SGSM2: variants seen among roughly 807,000 people sequenced by gnomAD.
The protein encoded by SGSM2 is RUN and TBC1 domain containing 1.
SGSM2 carries 89 observed loss-of-function variants against 126.6 expected under a neutral mutation model. That is an observed-to-expected ratio of 0.70 (90% CI 0.59 to 0.84). The LOEUF is 0.84. Ranked by LOEUF, SGSM2 falls within the 40% of genes least tolerant of loss-of-function variation. SGSM2 has a pLI of 0.00. For missense variants in SGSM2, 1,404 were observed against 1,416.6 expected (o/e 0.99, Z 0.14); for synonymous variants, 614 against 574.3 (o/e 1.07, Z -0.99).
chr17:2,361,730 G>A lies in SGSM2; in HGVS notation c.227G>A (p.Gly76Glu). The A allele has an allele frequency of 6.2e-7, 1 of 1,613,896 alleles. No homozygotes were observed. Residue 76 changes from glycine to glutamate, a missense_variant, in exon 3 of 24, where the codon GGG becomes GAG. Gly to Glu is a moderately conservative substitution (Grantham distance 98, BLOSUM62 -2). Transcript: ENST00000268989. ...ATGGCAGCCCTGTTCACCAAGGTGG[G>A]GAAGACGTGCCCAGTGGCGGGGGAG... ...DKMAALFTKV[G>E]KTCPVAGEIC... is the part of the protein sequence containing the mutation.
At chr17:2,361,463 G>A (rs564546764) in intron 2 of SGSM2, among the ~76,000 whole-genome samples, 174 bp from the exon 3 acceptor site, 32 of 152,322 alleles carry the variant, frequency 2.1e-4, no homozygotes, top group Admixed American at 1.0e-3. Context: ...TCTTCGCCCC[G>A]GGCAGGAGCC....
In SGSM2 at chr17:2,375,836, C is replaced by T. The variant is rs200051958; in HGVS notation, c.2445C>T (p.Ala815=). The T allele has an allele frequency of 1.3e-5, 20 of 1,537,626 alleles. No individual in the cohort carries two copies. The highest frequency in any genetic ancestry group is 1.1e-4 in the East Asian group (5 of 44,286). Residue 815 remains alanine (A), a synonymous_variant, in exon 18 of 24, where the codon GCC becomes GCT. Coordinates refer to ENST00000268989, the MANE Select transcript of SGSM2 (RefSeq NM_014853.3). ...AGCCTCAGGCCGGAGAACTGGAGGCCGGAGAGGAGCTTGCGGCTGTGTGTG... is the reference window on the plus strand; with the variant it reads ...AGCCTCAGGCCGGAGAACTGGAGGCTGGAGAGGAGCTTGCGGCTGTGTGTG... ...QEKPQAGELE[A]GEELAAVCAA...
intron 19 of SGSM2, 118 bp from the exon 20 acceptor site, chr17:2,376,615 T>C (rs2066170286): frequency 9.1e-7 from 1 of 1,100,192 alleles, no homozygotes; most frequent in Admixed American, 1.7e-5. Context: ...GTACATGCCT[T>C]AGGGTCGTGG....
Position 2,362,696 on chromosome 17 carries a change from C to A in SGSM2, c.459-142C>A, listed in dbSNP as rs529368811. The A allele has an allele frequency of 1.2e-6, 1 of 836,926 alleles. No homozygotes were observed. The highest frequency in any genetic ancestry group is 1.6e-5 in the South Asian group (1 of 62,002). 51.8% of individuals were successfully genotyped at this position (836,926 alleles called of 1,614,324 possible). On this transcript the variant is annotated intron_variant, in intron 4 of 23. Coordinates refer to ENST00000268989, the MANE Select transcript of SGSM2 (RefSeq NM_014853.3). The surrounding 1 kb of genome is among the most constrained non-coding windows in gnomAD (Gnocchi z 4.9). ...GGCATTGGCCATACCAGGCACCTCA[C>A]GAAGCCCAGTCCCTAAGGACTCACT...
chr17:2,353,533 C>T (rs1274891960), intron 2 of SGSM2, among the ~76,000 whole-genome samples: 7 of 152,154 alleles, frequency 4.6e-5, no homozygotes, highest in Non-Finnish European at 7.4e-5. Context: ...AAGGCTGAGA[C>T]GGGCAGATTG....
rs2066099700 is a variant in SGSM2 at position 2,375,631 on chromosome 17, C to T, written c.2240C>T (p.Ser747Phe). ...CAGCAGCATTCCGTGGAGTTCGACT[C>T]TCCAGACTCAGGACTGCCCTCCTCT... ...VEQQHSVEFD[S>F]PDSGLPSSRN... Residue 747 changes from serine (S) to phenylalanine (F), a missense_variant, in exon 18 of 24, where the codon TCT (serine) becomes TTT (phenylalanine). By Grantham distance (155) the Ser-to-Phe change is radical. Transcript: ENST00000268989. 3 of 1,614,006 alleles carry T rather than the reference C, an allele frequency of 1.9e-6. No homozygotes were observed. The highest frequency in any genetic ancestry group is 2.5e-6 in the Non-Finnish European group (3 of 1,180,024).
chr17:2,355,484 G>A (rs1308819157), intron 2 of SGSM2, among the ~76,000 whole-genome samples: 10 of 11,982 alleles, frequency 8.3e-4, no homozygotes, highest in East Asian at 3.1e-3. Flanking sequence ...GGGTGTAAGG[G>A]TTGGGGAAGG....
At chr17:2,345,981 G>T (rs768011748) in intron 2 of SGSM2, among the ~76,000 whole-genome samples, 6 of 152,138 alleles carry the variant, frequency 3.9e-5, no homozygotes, top group Non-Finnish European at 8.8e-5. Context: ...CGGGGGACGG[G>T]GAGGGAAGAC....
chr17:2,379,369 G>C (rs746794556), intron 23 of SGSM2, 63 bp from the exon 24 acceptor site: 2 of 1,575,316 alleles, frequency 1.3e-6, no homozygotes, highest in Non-Finnish European at 1.7e-6. Context: ...AGGGTAGTCA[G>C]CCACCTCCTA....
rs376799488 is a variant in SGSM2, at chr17:2,379,506, A to G, written c.3142A>G (p.Ile1048Val). The change falls in exon 24 of 24, where the codon ATA (isoleucine) becomes GTA (valine). Residue 1048 changes from isoleucine (I) to valine (V), a missense_variant. Ile to Val is a conservative substitution (Grantham distance 29). Coordinates refer to ENST00000268989, the MANE Select transcript of SGSM2 (RefSeq NM_014853.3). ...RDLVHKVQML[I>V]ENK is the part of the protein sequence containing the mutation. ...CCTCGTCCACAAGGTGCAGATGCTC[A>G]TAGAGAACAAGTGAGCTGGGGCCAG... The G allele has an allele frequency of 3.7e-6, 6 of 1,612,692 alleles. No homozygotes were observed. Among genetic ancestry groups the G allele is most frequent in the Middle Eastern group, 1.6e-4 (1 of 6,062 alleles).
intron 20 of SGSM2, 70 bp downstream of exon 20, chr17:2,376,885 G>A: frequency 6.2e-7 from 1 of 1,606,438 alleles, no homozygotes; most frequent in South Asian, 1.1e-5. Flanking sequence ...GCCAGGTCTG[G>A]AGGGGTGGGA....
In SGSM2 at chr17:2,350,799, G is replaced by A. The variant is rs141199946; in HGVS notation, c.133+7179G>A. On this transcript the variant is annotated intron_variant, in intron 2 of 23. Coordinates refer to ENST00000268989, the MANE Select transcript of SGSM2 (RefSeq NM_014853.3). ...GCACCTGCATTCATCAGTCCCCTTC[G>A]GTGTGGTAGGCAGGGGCCGAGAAGC... 1.2e-3 allele frequency among the ~76,000 whole-genome samples: 186 copies of A among 152,226 alleles called. 1 individual carries two copies. Among genetic ancestry groups the A allele is most frequent in the African/African-American group, 4.3e-3 (179 of 41,514 alleles).
intron 1 of SGSM2, among the ~76,000 whole-genome samples, chr17:2,338,430 T>C (rs893485815): frequency 2.6e-5 from 4 of 152,102 alleles, no homozygotes; most frequent in Non-Finnish European, 4.4e-5. Context: ...CAAAAGCCCA[T>C]TTCCATTTCG....
At chr17:2,349,201 C>T (rs943543138) in intron 2 of SGSM2, among the ~76,000 whole-genome samples, 7 of 152,014 alleles carry the variant, frequency 4.6e-5, no homozygotes, top group African/African-American at 1.7e-4. Flanking sequence ...AATGGCGAAG[C>T]CCCATCTGTA....
chr17:2,372,071 C>T lies in SGSM2; in HGVS notation c.1578-119C>T. 1 of 1,188,874 alleles carries T rather than the reference C, an allele frequency of 8.4e-7. No homozygotes were observed. The highest frequency in any genetic ancestry group is 1.2e-6 in the Non-Finnish European group (1 of 821,380). 73.6% of individuals were successfully genotyped at this position (1,188,874 alleles called of 1,614,324 possible). A position where few individuals can be genotyped will look rare whatever the true frequency, so the allele number is the denominator to read the frequency against. On this transcript the variant is annotated intron_variant, in intron 13 of 23. Transcript: ENST00000268989. This position sits in a 1 kb window ranked among gnomAD's most constrained non-coding sequence, Gnocchi z 6.0. ...TGACGGCTGCTGGGCTGCGGCTCCT[C>T]CTCCTCGCACCCTCCCCAGTGCCTT...
At chr17:2,377,717 C>T (rs551198996) in intron 21 of SGSM2, 140 bp from the exon 22 acceptor site, 49 of 598,732 alleles carry the variant, frequency 8.2e-5, no homozygotes, top group African/African-American at 1.7e-4. Flanking sequence ...GAGAGTGCAC[C>T]GCGCAGCACA....
intron 19 of SGSM2, 131 bp downstream of exon 19, chr17:2,376,392 A>G: frequency 8.0e-7 from 1 of 1,257,084 alleles, no homozygotes; most frequent in Non-Finnish European, 1.1e-6. Flanking sequence ...CCTGCCTGGA[A>G]CGCTTTTTTC....
rs2065470588 is a variant in SGSM2, at chr17:2,364,631, G to T, written c.968G>T (p.Ser323Ile). The change falls in exon 9 of 24, where the codon AGC (serine) becomes ATC (isoleucine). Residue 323 changes from serine (S) to isoleucine (I), a missense_variant. Physicochemically the swap from Ser to Ile is moderately radical, Grantham distance 142. Transcript: ENST00000268989. ...GACTATGCCCTCGTGGTGCCCTTCA[G>T]CCAGGTCGTGTGCATCCACTGCCAC... ...YWDYALVVPF[S>I]QVVCIHCHQQ... is the part of the protein sequence containing the mutation. 6.2e-7 allele frequency: 1 copy of T among 1,614,096 alleles called. No homozygotes were observed. The highest frequency in any genetic ancestry group is 1.3e-5 in the African/African-American group (1 of 74,948).
rs759592691 is a variant in SGSM2, at chr17:2,375,684, C to A, written c.2293C>A (p.Gln765Lys). The A allele has an allele frequency of 6.2e-7, 1 of 1,613,946 alleles. No homozygotes were observed. The highest frequency in any genetic ancestry group is 8.5e-7 in the Non-Finnish European group (1 of 1,179,934). The change falls in exon 18 of 24, where the codon CAG (glutamine) becomes AAG (lysine). Residue 765 changes from glutamine (Q) to lysine (K), a missense_variant. By Grantham distance (53) the Gln-to-Lys change is moderately conservative (BLOSUM62 1). Coordinates refer to ENST00000268989, the MANE Select transcript of SGSM2 (RefSeq NM_014853.3). ...CAATTACTCCGTGGCCTCGGGCATC[C>A]AGTCAAGCCTAGATGAGGGGCAGAG... ...SRNYSVASGI[Q>K]SSLDEGQSVG...
Sources: allele counts gnomAD v4.1 joint callset (sites outside exome capture counted in the v4.1 genomes callset), GRCh38; gene constraint gnomAD v4.1.1; non-coding constraint Gnocchi (gnomAD v3.1); transcripts MANE v1.5; gene names NCBI Gene and HGNC (gene_info 2026-07-23, HGNC 2026-07-21).